The following USPL1 variants were observed in gnomAD, a reference collection of about 807,000 sequenced individuals.
USPL1 encodes SUMO-specific isopeptidase USPL1.
A neutral mutation model predicts 51.5 loss-of-function variants in USPL1; 27 were observed. That is an observed-to-expected ratio of 0.52 (90% CI 0.39 to 0.72). USPL1 has a LOEUF of 0.72. Among genes scored for constraint, USPL1 ranks in the 30% least tolerant of loss-of-function variants. USPL1 has a pLI of 0.00. For synonymous variants in USPL1, 451 were observed against 459.6 expected, an observed-to-expected ratio of 0.98 and a Z score of 0.24; for missense variants, 1,226 against 1,268.0, an observed-to-expected ratio of 0.97 and a Z score of 0.50.
At chr13:30,632,406 A>ATT (rs60539080) in intron 4 of USPL1, among the ~76,000 whole-genome samples, 6,187 of 83,620 alleles carry the variant, frequency 0.074, 568 homozygotes, top group African/African-American at 0.16. Flanking sequence ...TGCTATTGTG[A>ATT]TTTTTTTTTT....
intron 1 of USPL1, among the ~76,000 whole-genome samples, chr13:30,619,931 T>A (rs985345557): frequency 1.3e-5 from 2 of 152,068 alleles, no homozygotes; most frequent in Non-Finnish European, 2.9e-5. Context: ...ATCTAGAGGG[T>A]AAAGGTCAGT....
intron 3 of USPL1, among the ~76,000 whole-genome samples, chr13:30,627,178 T>G (rs1950728218): frequency 6.6e-6 from 1 of 152,128 alleles, no homozygotes; most frequent in African/African-American, 2.4e-5. Flanking sequence ...ATGCTTTGTG[T>G]ATATTTTTAT....
At position 30,657,971 on chromosome 13, in the gene USPL1, A is replaced by G. The variant is rs753306539; in HGVS notation, c.1894A>G (p.Met632Val). 2.0e-5 allele frequency: 33 copies of G among 1,613,492 alleles called. No individual in the cohort carries two copies. The South Asian group carries it at 3.2e-4, about 16-fold the overall frequency. ...TNTLLSQESL[M>V]ASSVSAPCNE... Reference sequence around the variant, plus strand: ...TACTTTGCTATCACAAGAATCACTAATGGCTTCTTCAGTATCAGCTCCATG... The same window carrying G: ...TACTTTGCTATCACAAGAATCACTAGTGGCTTCTTCAGTATCAGCTCCATG... The change falls in exon 9 of 9, where the codon ATG becomes GTG. Residue 632 changes from methionine (M) to valine (V), a missense_variant. Coordinates refer to ENST00000255304, the MANE Select transcript of USPL1 (RefSeq NM_005800.5).
chr13:30,641,071 G>T (rs535230726), intron 5 of USPL1, among the ~76,000 whole-genome samples: 1 of 152,204 alleles, frequency 6.6e-6, no homozygotes, highest in Non-Finnish European at 1.5e-5. Context: ...CATATTGTTA[G>T]TTGCTTCTCT....
chr13:30,652,007 G>A (rs1324512262), intron 7 of USPL1, among the ~76,000 whole-genome samples: 1 of 151,878 alleles, frequency 6.6e-6, no homozygotes, highest in African/African-American at 2.4e-5. Flanking sequence ...TGTGTGTCTC[G>A]CTATGAGAAT....
Position 30,657,531 on chromosome 13 carries a change from T to G in USPL1, c.1454T>G (p.Phe485Cys). The change falls in exon 9 of 9, where the codon TTT becomes TGT. Residue 485 changes from phenylalanine (F) to cysteine (C), a missense_variant. Physicochemically the swap from Phe to Cys is radical, Grantham distance 205. Coordinates refer to ENST00000255304, the MANE Select transcript of USPL1 (RefSeq NM_005800.5). ...CCATGTTCTGAAAGGCACAAGAAAT[T>G]TGAAGTTCCTGCTTCAGAGATACAT... The part of the protein sequence containing the change: ...KGPCSERHKK[F>C]EVPASEIHIV... 6.2e-7 allele frequency: 1 copy of G among 1,612,778 alleles called. No homozygotes were observed. The highest frequency in any genetic ancestry group is 1.7e-4 in the Middle Eastern group (1 of 6,048).
rs1186920298 is a variant in USPL1 at position 30,657,647 on chromosome 13, A to G, written c.1570A>G (p.Ser524Gly). The G allele has an allele frequency of 6.2e-7, 1 of 1,614,074 alleles. No individual in the cohort carries two copies. Among genetic ancestry groups the G allele is most frequent in the Non-Finnish European group, 8.5e-7 (1 of 1,180,008 alleles). Residue 524 changes from serine to glycine, a missense_variant, in exon 9 of 9, where the codon AGT becomes GGT. Transcript: ENST00000255304. ...LKKTNDQHAL[S>G]NEKPVSLTSC... The stretch of plus-strand genomic sequence containing the variant: ...AAAGACTAATGACCAACACGCTCTC[A>G]GTAATGAGAAACCAGTATCTTTAAC...
rs372687620 is a variant in USPL1 at position 30,631,111 on chromosome 13, T to A, written c.505T>A (p.Leu169Met). ...QQNPIRTADS[L>M]ERNEILEADT... ...GAATCCAATTAGGACAGCTGATTCC[T>A]TGGAGCGGAATGAGATTTTGGAAGC... The change falls in exon 4 of 9, where the codon TTG becomes ATG. Residue 169 changes from leucine to methionine, a missense_variant. Coordinates refer to ENST00000255304, the MANE Select transcript of USPL1 (RefSeq NM_005800.5). 1 of 1,614,188 alleles carries A rather than the reference T, an allele frequency of 6.2e-7. No homozygotes were observed. Among genetic ancestry groups the A allele is most frequent in the South Asian group, 1.1e-5 (1 of 91,084 alleles).
chr13:30,644,603 AC>A (rs113906053), intron 6 of USPL1, among the ~76,000 whole-genome samples: 1,619 of 152,238 alleles, frequency 0.011, 13 homozygotes, highest in Middle Eastern at 0.051. Flanking sequence ...GCATCCTGAG[AC>A]AGATGAATGT....
Position 30,644,009 on chromosome 13 carries a change from G to A in USPL1, c.1112+1252G>A, listed in dbSNP as rs143398335. Among the ~76,000 whole-genome samples the A allele has an allele frequency of 2.6e-3, 397 of 151,636 alleles. 1 individual carries two copies. Among genetic ancestry groups the A allele is most frequent in the African/African-American group, 9.2e-3 (381 of 41,384 alleles). On this transcript the variant is annotated intron_variant, in intron 6 of 8. Transcript: ENST00000255304. ...TAAAAATATTACTTTTGAAGGCCGG[G>A]CACAGTGGCTCACATCTGTAATCCC...
At chr13:30,619,183 T>G (rs2137592017) in intron 1 of USPL1, among the ~76,000 whole-genome samples, 1 of 151,800 alleles carries the variant, frequency 6.6e-6, no homozygotes, top group East Asian at 1.9e-4. Flanking sequence ...AGTTGTAAAA[T>G]CCCCCCCGGG....
intron 3 of USPL1, among the ~76,000 whole-genome samples, chr13:30,627,584 T>C (rs1033704887): frequency 1.6e-4 from 25 of 151,838 alleles, no homozygotes; most frequent in African/African-American, 6.0e-4. Flanking sequence ...TTGAATAAAG[T>C]AGAGGTGTAA....
chr13:30,658,122 C>T lies in USPL1; in HGVS notation c.2045C>T (p.Thr682Ile), dbSNP rs750690004. The T allele has an allele frequency of 3.7e-6, 6 of 1,613,680 alleles. No individual in the cohort carries two copies. The highest frequency in any genetic ancestry group is 4.2e-6 in the Non-Finnish European group (5 of 1,180,016). The change falls in exon 9 of 9, where the codon ACT (threonine) becomes ATT (isoleucine). Residue 682 changes from threonine (T) to isoleucine (I), a missense_variant. Transcript: ENST00000255304. ...DTVNTKSVNNTDATGLIQGVK... is the reference protein window; with the variant it reads ...DTVNTKSVNNIDATGLIQGVK... ...GTAAATACTAAATCTGTGAATAATA[C>T]TGATGCTACTGGTCTTATACAGGGA...
At chr13:30,626,921 T>C (rs1950724430) in intron 3 of USPL1, among the ~76,000 whole-genome samples, 2 of 152,074 alleles carry the variant, frequency 1.3e-5, no homozygotes, top group Non-Finnish European at 2.9e-5. Flanking sequence ...CAAAGAAAAC[T>C]TTTTTTGTTT....
intron 6 of USPL1, among the ~76,000 whole-genome samples, chr13:30,644,414 GT>G (rs66467745): frequency 1.3e-5 from 2 of 149,866 alleles, no homozygotes; most frequent in East Asian, 2.0e-4. Context: ...CAAAGGTTTT[GT>G]TTTTTTTTTA....
intron 6 of USPL1, among the ~76,000 whole-genome samples, chr13:30,643,775 G>C (rs976281594): frequency 6.6e-6 from 1 of 151,080 alleles, no homozygotes; most frequent in Non-Finnish European, 1.5e-5. Context: ...ACGCCCGGCT[G>C]ATTTTTGTAT....
chr13:30,659,311 A>T lies in USPL1; in HGVS notation c.3234A>T (p.Thr1078=). 2 of 1,610,106 alleles carry T rather than the reference A, an allele frequency of 1.2e-6. No homozygotes were observed. The highest frequency in any genetic ancestry group is 1.7e-6 in the Non-Finnish European group (2 of 1,177,284). ...SSALNALAND[T]LDLPHFDEYL... ...CATTAAATGCTTTAGCAAATGACAC[A>T]TTAGACCTACCTCATTTCGATGAAT... The change falls in exon 9 of 9, where the codon ACA becomes ACT. Residue 1078 remains threonine (T), a synonymous_variant. Transcript: ENST00000255304.
At chr13:30,654,999 C>T (rs1951142256) in intron 8 of USPL1, among the ~76,000 whole-genome samples, 2 of 150,996 alleles carry the variant, frequency 1.3e-5, no homozygotes, top group Admixed American at 6.6e-5. Context: ...AGTGTATTGG[C>T]GCAGTCTTGT....
At chr13:30,618,651 A>G (rs1429135613) in intron 1 of USPL1, among the ~76,000 whole-genome samples, 9 of 152,086 alleles carry the variant, frequency 5.9e-5, no homozygotes, top group Non-Finnish European at 1.2e-4. Flanking sequence ...TCATTGTGCT[A>G]TCTAACTGGG....
Sources: allele counts gnomAD v4.1 joint callset (sites outside exome capture counted in the v4.1 genomes callset), GRCh38; gene constraint gnomAD v4.1.1; transcripts MANE v1.5; gene names NCBI Gene and HGNC (gene_info 2026-07-23, HGNC 2026-07-21).